Variants in PLEKHG7 observed in about 807,000 individuals in gnomAD.
PLEKHG7 encodes the protein pleckstrin homology and RhoGEF domain containing G7.
In PLEKHG7, 77 loss-of-function variants were observed where a neutral mutation model predicts 85.2. The observed-to-expected ratio is 0.90, with a 90% CI of 0.75 to 1.09. The LOEUF (loss-of-function observed/expected upper bound fraction) is 1.09. Among genes scored for constraint, PLEKHG7 ranks in the 50% least tolerant of loss-of-function variants. PLEKHG7 has a pLI of 0.00. For missense variants in PLEKHG7, 777 were observed against 804.3 expected (o/e 0.97, Z 0.41); for synonymous variants, 301 against 302.4 (o/e 1.00, Z 0.05).
chr12:92,724,814 T>C (rs1871749568), intron 3 of PLEKHG7, among the ~76,000 whole-genome samples: 1 of 152,148 alleles, frequency 6.6e-6, no homozygotes, highest in Non-Finnish European at 1.5e-5. Flanking sequence ...TGGCCTTCAG[T>C]AGCTGCAAGA....
rs12296628 is a variant in PLEKHG7, at chr12:92,744,427, G to C, written c.1138-1051G>C. ...CGCTTAATTGAGATGGTGGCATGTA[G>C]TTCAGTGTGCTCAGTTTACCCATTA... On this transcript the variant is annotated intron_variant, in intron 9 of 16. Coordinates refer to ENST00000344636, the MANE Select transcript of PLEKHG7 (RefSeq NM_001377329.1). Among the ~76,000 whole-genome samples, 1,042 of 152,180 alleles carry C rather than the reference G, an allele frequency of 6.8e-3. 14 individuals are homozygous for C. Among genetic ancestry groups the C allele is most frequent in the African/African-American group, 0.024 (984 of 41,498 alleles).
intron 3 of PLEKHG7, among the ~76,000 whole-genome samples, chr12:92,714,567 A>G (rs1871431401): frequency 6.6e-6 from 1 of 152,128 alleles, no homozygotes; most frequent in African/African-American, 2.4e-5. Context: ...TAAGACTGTC[A>G]CTCAGGGCAA....
intron 3 of PLEKHG7, among the ~76,000 whole-genome samples, chr12:92,722,137 G>T (rs944031386): frequency 2.0e-5 from 3 of 151,418 alleles, no homozygotes; most frequent in African/African-American, 7.3e-5. Flanking sequence ...TGCACCCACC[G>T]TGAGACCTAA....
chr12:92,704,139 T>C (rs1402064843), intron 1 of PLEKHG7, among the ~76,000 whole-genome samples: 1 of 152,138 alleles, frequency 6.6e-6, no homozygotes, highest in Non-Finnish European at 1.5e-5. Flanking sequence ...TAAGCATCCA[T>C]AGCCCCAACT....
intron 5 of PLEKHG7, among the ~76,000 whole-genome samples, chr12:92,735,231 A>C (rs1872107861): frequency 6.6e-6 from 1 of 152,188 alleles, no homozygotes; most frequent in Non-Finnish European, 1.5e-5. Flanking sequence ...ACATCAACAA[A>C]AGGCATATGT....
At chr12:92,728,966 G>T (rs1297830333) in intron 3 of PLEKHG7, 27 bp from the exon 4 acceptor site, 1 of 1,228,140 alleles carries the variant, frequency 8.1e-7, no homozygotes, top group Non-Finnish European at 1.0e-6. Context: ...ATTTCGGTGT[G>T]GTTTTCCTTT....
At position 92,720,463 on chromosome 12, in the gene PLEKHG7, C is replaced by T. The variant is rs541253660; in HGVS notation, c.531-8530C>T. The stretch of plus-strand genomic sequence containing the variant: ...GCCCCAGTCTCCTGAGTAGCTGGGA[C>T]TACAGGCGTGCGCCACCACATCGGG... On this transcript the variant is annotated intron_variant, in intron 3 of 16. Coordinates refer to ENST00000344636, the MANE Select transcript of PLEKHG7 (RefSeq NM_001377329.1). 4.6e-5 allele frequency among the ~76,000 whole-genome samples: 7 copies of T among 152,128 alleles called. No homozygotes were observed. The East Asian group carries it at 1.2e-3, about 25-fold the overall frequency.
At chr12:92,751,893 T>C (rs1367622254) in intron 10 of PLEKHG7, among the ~76,000 whole-genome samples, 1 of 152,014 alleles carries the variant, frequency 6.6e-6, no homozygotes, top group Non-Finnish European at 1.5e-5. Context: ...GGCCTGCACC[T>C]GTGGTGTCAG....
intron 3 of PLEKHG7, among the ~76,000 whole-genome samples, chr12:92,712,451 A>G (rs766746522): frequency 2.6e-5 from 4 of 152,194 alleles, no homozygotes; most frequent in Non-Finnish European, 5.9e-5. Context: ...CATCTGGTAC[A>G]GCAGCTGCAA....
chr12:92,713,160 A>C (rs1871397519), intron 3 of PLEKHG7, among the ~76,000 whole-genome samples: 1 of 152,196 alleles, frequency 6.6e-6, no homozygotes, highest in African/African-American at 2.4e-5. Context: ...ATTGTCAGTA[A>C]TGTAGTGGGG....
intron 4 of PLEKHG7, among the ~76,000 whole-genome samples, chr12:92,730,172 ACAGAGCCTTT>A (rs1871943057): frequency 6.6e-6 from 1 of 152,166 alleles, no homozygotes; most frequent in Non-Finnish European, 1.5e-5. Context: ...CTTTATTTTT[ACAGAGCCTTT>A]CACATCTACT....
Position 92,754,265 on chromosome 12 carries a change from G to GT in PLEKHG7, c.1426+2dup. ...AAGGAAAAGGTGGAAAAGTCCATCC[G>GT]TAAGTCCCTGAGATAAGTGAGCTTA... On this transcript the variant is annotated splice_donor_variant, in intron 11 of 16. Transcript: ENST00000344636. LOFTEE classifies it high-confidence loss of function. 6.2e-7 allele frequency: 1 copy of GT among 1,613,182 alleles called. No individual in the cohort carries two copies. The highest frequency in any genetic ancestry group is 8.5e-7 in the Non-Finnish European group (1 of 1,179,442).
intron 15 of PLEKHG7, 28 bp from the exon 16 acceptor site, chr12:92,768,955 T>C: frequency 6.9e-7 from 1 of 1,458,726 alleles, no homozygotes; most frequent in Non-Finnish European, 9.4e-7. Context: ...ATGATTTGGC[T>C]TTTTGTCTTT....
At chr12:92,754,347 G>C in intron 11 of PLEKHG7, 83 bp downstream of exon 11, 1 of 1,355,762 alleles carries the variant, frequency 7.4e-7, no homozygotes, top group Non-Finnish European at 1.0e-6. Context: ...CATCCTAGGA[G>C]GTAATTCCAC....
At chr12:92,758,206 C>G (rs1296175435) in intron 13 of PLEKHG7, among the ~76,000 whole-genome samples, 2 of 152,200 alleles carry the variant, frequency 1.3e-5, no homozygotes, top group African/African-American at 2.4e-5. Context: ...GGCTTTGGTT[C>G]ACTCCTTCCC....
At chr12:92,765,029 G>T (rs944519284) in intron 15 of PLEKHG7, among the ~76,000 whole-genome samples, 1 of 152,060 alleles carries the variant, frequency 6.6e-6, no homozygotes, top group South Asian at 2.1e-4. Flanking sequence ...AAGAGAAAGC[G>T]CTCACCATCC....
intron 1 of PLEKHG7, among the ~76,000 whole-genome samples, chr12:92,706,104 A>C (rs1165212696): frequency 1.3e-5 from 2 of 152,230 alleles, no homozygotes; most frequent in African/African-American, 2.4e-5. Flanking sequence ...ATGTACATAC[A>C]TACATAAATG....
At chr12:92,757,337 A>G (rs1872863705) in intron 13 of PLEKHG7, among the ~76,000 whole-genome samples, 1 of 152,204 alleles carries the variant, frequency 6.6e-6, no homozygotes, top group Non-Finnish European at 1.5e-5. Flanking sequence ...TAAATCATTT[A>G]TTTATTCATT....
intron 10 of PLEKHG7, among the ~76,000 whole-genome samples, chr12:92,748,554 A>C (rs561562439): frequency 6.6e-6 from 1 of 152,114 alleles, no homozygotes; most frequent in East Asian, 1.9e-4. Context: ...AGCTCACATG[A>C]TGCTTTTATA....
Sources: gnomAD v4.1 joint callset for allele counts (sites outside exome capture counted in the v4.1 genomes callset) on GRCh38, gnomAD v4.1.1 for gene constraint, MANE v1.5 for transcripts, NCBI Gene and HGNC (gene_info 2026-07-23, HGNC 2026-07-21) for gene names.